The following FBXW10 variants were observed in gnomAD, a reference collection of about 807,000 sequenced individuals.
FBXW10 encodes the protein F-box/WD repeat-containing protein 10.
In FBXW10, 68 loss-of-function variants were observed where a neutral mutation model predicts 113.1. That is an observed-to-expected ratio of 0.60 (90% CI 0.49 to 0.74). The LOEUF is 0.74. Among genes scored for constraint, FBXW10 ranks in the 30% least tolerant of loss-of-function variants. FBXW10 has a pLI of 0.00. For missense variants in FBXW10, 753 were observed against 1,284.5 expected (o/e 0.59, Z 6.32); for synonymous variants, 289 against 481.6 (o/e 0.60, Z 5.24).
At chr17:18,759,959 G>A (rs900900152) in intron 7 of FBXW10, among the ~76,000 whole-genome samples, 2 of 152,070 alleles carry the variant, frequency 1.3e-5, no homozygotes, top group African/African-American at 4.8e-5. Context: ...TGCCAGAGAC[G>A]GGTCTTGGAT....
At position 18,778,873 on chromosome 17, in the gene FBXW10, A is replaced by G; in HGVS notation, c.2734A>G (p.Met912Val). The change falls in exon 14 of 14, where the codon ATG becomes GTG. Residue 912 changes from methionine to valine, a missense_variant. Coordinates refer to ENST00000395665, the MANE Select transcript of FBXW10 (RefSeq NM_001267585.2). ...PRVQSTIPQPMIIRSRFSGSL... is the reference protein window; with the variant it reads ...PRVQSTIPQPVIIRSRFSGSL... ...AGTCCAGTCCACCATACCCCAGCCC[A>G]TGATTATCCGCTCCAGGTTCTCTGG... 1 of 1,613,922 alleles carries G rather than the reference A, an allele frequency of 6.2e-7. No individual in the cohort carries two copies. Among genetic ancestry groups the G allele is most frequent in the South Asian group, 1.1e-5 (1 of 91,074 alleles).
At chr17:18,776,365 T>C (rs1377291211) in intron 13 of FBXW10, among the ~76,000 whole-genome samples, 1 of 152,198 alleles carries the variant, frequency 6.6e-6, no homozygotes, top group African/African-American at 2.4e-5. Context: ...ATGACTGGGA[T>C]GTCCCTTTGT....
intron 7 of FBXW10, among the ~76,000 whole-genome samples, chr17:18,759,385 C>T (rs2035335361): frequency 6.6e-6 from 1 of 152,068 alleles, no homozygotes; most frequent in Admixed American, 6.6e-5. Flanking sequence ...TATACATCTC[C>T]AGAAGTATTA....
intron 13 of FBXW10, among the ~76,000 whole-genome samples, chr17:18,777,819 A>C (rs146558751): frequency 0.12 from 17,645 of 151,874 alleles, 1,637 homozygotes; most frequent in East Asian, 0.49. Context: ...TGGGGATTAC[A>C]GGCGTGAGCC....
chr17:18,772,336 T>A (rs923834028), intron 11 of FBXW10, 76 bp from the exon 12 acceptor site: 1 of 1,375,158 alleles, frequency 7.3e-7, no homozygotes, highest in African/African-American at 1.4e-5. Flanking sequence ...AAAGACCAGG[T>A]GGGATGGTAA....
intron 12 of FBXW10, among the ~76,000 whole-genome samples, chr17:18,774,082 G>C (rs2035661869): frequency 7.4e-6 from 1 of 135,378 alleles, no homozygotes; most frequent in Non-Finnish European, 1.7e-5. Context: ...AATTACAAGG[G>C]GAGTTGCTTA....
intron 11 of FBXW10, among the ~76,000 whole-genome samples, chr17:18,771,390 G>A (rs998887985): frequency 6.6e-6 from 1 of 152,198 alleles, no homozygotes; most frequent in African/African-American, 2.4e-5. Flanking sequence ...AAAGGGGAAA[G>A]CCGCTTGCTT....
At chr17:18,767,053 C>T (rs1182743619) in intron 9 of FBXW10, among the ~76,000 whole-genome samples, 191 bp downstream of exon 9, 1 of 152,154 alleles carries the variant, frequency 6.6e-6, no homozygotes, top group Non-Finnish European at 1.5e-5. Context: ...GCTCCACCAC[C>T]CACATCATGA....
intron 13 of FBXW10, among the ~76,000 whole-genome samples, chr17:18,778,247 C>T (rs1409371489): frequency 3.9e-5 from 6 of 152,186 alleles, no homozygotes; most frequent in African/African-American, 9.6e-5. Context: ...AGCGAGACTC[C>T]GTCTCAAAAA....
chr17:18,776,244 C>A lies in FBXW10; in HGVS notation c.2335+1052C>A, dbSNP rs1194030745. 2.0e-5 allele frequency among the ~76,000 whole-genome samples: 3 copies of A among 151,630 alleles called. No homozygotes were observed. In the East Asian group the frequency reaches 5.8e-4, roughly 29 times the overall value. ...GCTGGGGCAGGGGAATTGCTTGAACCAGAGAGGGGTGGGGGTTGCAGTGAG... is the reference window on the plus strand; with the variant it reads ...GCTGGGGCAGGGGAATTGCTTGAACAAGAGAGGGGTGGGGGTTGCAGTGAG... On this transcript the variant is annotated intron_variant, in intron 13 of 13. Transcript: ENST00000395665.
chr17:18,753,447 T>C (rs573154445), intron 5 of FBXW10, among the ~76,000 whole-genome samples: 1 of 152,202 alleles, frequency 6.6e-6, no homozygotes, highest in Non-Finnish European at 1.5e-5. Context: ...CCTTAAAGAC[T>C]CTTAGTCTGT....
Position 18,751,071 on chromosome 17 carries a change from C to A in FBXW10, c.1122+18C>A, listed in dbSNP as rs1304120944. Reference sequence around the variant, plus strand: ...GAACGAAGGTGGGTTCCAACAGCATCTGGGGCAAGTAGCTGTGAGCGTCTC... The same window carrying A: ...GAACGAAGGTGGGTTCCAACAGCATATGGGGCAAGTAGCTGTGAGCGTCTC... On this transcript the variant is annotated intron_variant, in intron 5 of 13. Coordinates refer to ENST00000395665, the MANE Select transcript of FBXW10 (RefSeq NM_001267585.2). The A allele has an allele frequency of 2.5e-6, 4 of 1,613,574 alleles. No homozygotes were observed. Among genetic ancestry groups the A allele is most frequent in the Non-Finnish European group, 3.4e-6 (4 of 1,179,808 alleles).
chr17:18,746,279 C>A (rs1354051521), intron 1 of FBXW10, among the ~76,000 whole-genome samples: 1 of 152,072 alleles, frequency 6.6e-6, no homozygotes, highest in African/African-American at 2.4e-5. Flanking sequence ...GACAAATATC[C>A]AAACTGTATC....
At chr17:18,769,102 A>AT (rs1214418799) in intron 10 of FBXW10, among the ~76,000 whole-genome samples, 1 of 151,198 alleles carries the variant, frequency 6.6e-6, no homozygotes. Context: ...CACCCAGCTA[A>AT]TTTTTTGTAT....
rs1251663486 is a variant in FBXW10 at position 18,760,668 on chromosome 17, T to C, written c.1433+2163T>C. 4.0e-5 allele frequency among the ~76,000 whole-genome samples: 6 copies of C among 151,840 alleles called. No homozygotes were observed. In the East Asian group the frequency reaches 1.2e-3, roughly 30 times the overall value. Reference sequence around the variant, plus strand: ...AAAATACAAAATTAGCTGGGCATGGTGGCACATGCCTGTAATCTCAGCTAC... The same window carrying C: ...AAAATACAAAATTAGCTGGGCATGGCGGCACATGCCTGTAATCTCAGCTAC... On this transcript the variant is annotated intron_variant, in intron 7 of 13. Coordinates refer to ENST00000395665, the MANE Select transcript of FBXW10 (RefSeq NM_001267585.2).
At chr17:18,752,978 C>T (rs2035197255) in intron 5 of FBXW10, among the ~76,000 whole-genome samples, 1 of 152,180 alleles carries the variant, frequency 6.6e-6, no homozygotes, top group African/African-American at 2.4e-5. Context: ...AAGGACTACC[C>T]AGCCAGTGTT....
chr17:18,773,168 G>A (rs144291569), intron 12 of FBXW10, among the ~76,000 whole-genome samples: 46 of 152,016 alleles, frequency 3.0e-4, no homozygotes, highest in African/African-American at 1.1e-3. Flanking sequence ...CCCGACCTCA[G>A]GTGATCCTCC....
chr17:18,773,257 A>G (rs1038408782), intron 12 of FBXW10, among the ~76,000 whole-genome samples: 1 of 152,204 alleles, frequency 6.6e-6, no homozygotes, highest in African/African-American at 2.4e-5. Flanking sequence ...TTTCAAACTT[A>G]TAAGAACCTT....
At chr17:18,777,271 T>C (rs2035720070) in intron 13 of FBXW10, among the ~76,000 whole-genome samples, 1 of 151,204 alleles carries the variant, frequency 6.6e-6, no homozygotes, top group Non-Finnish European at 1.5e-5. Flanking sequence ...TCCATGTTGG[T>C]CAGGCTGGTC....
Sources: gnomAD v4.1 joint callset for allele counts (sites outside exome capture counted in the v4.1 genomes callset) on GRCh38, gnomAD v4.1.1 for gene constraint, MANE v1.5 for transcripts, NCBI Gene and HGNC (gene_info 2026-07-23, HGNC 2026-07-21) for gene names.